The following CHSY3 variants were observed in gnomAD, a reference collection of about 807,000 sequenced individuals.
CHSY3 encodes the protein N-acetylgalactosaminyl-proteoglycan 3-beta-glucuronosyltransferase 3.
A neutral mutation model predicts 67.2 loss-of-function variants in CHSY3; 35 were observed. That is an observed-to-expected ratio of 0.52 (90% CI 0.40 to 0.69). The LOEUF (loss-of-function observed/expected upper bound fraction) is 0.69, where lower values mean the gene tolerates loss of function less well. Among genes scored for constraint, CHSY3 ranks in the 30% least tolerant of loss-of-function variants. CHSY3 has a pLI of 0.00. For synonymous variants in CHSY3, 474 were observed against 434.7 expected (o/e 1.09, Z -1.12); for missense variants, 1,069 against 1,138.5 (o/e 0.94, Z 0.88).
At chr5:130,144,409 T>C (rs1769009809) in intron 2 of CHSY3, among the ~76,000 whole-genome samples, 1 of 151,994 alleles carries the variant, frequency 6.6e-6, no homozygotes, top group Non-Finnish European at 1.5e-5. Context: ...TTATTTACAA[T>C]AGCTGCATAA....
chr5:130,000,130 A>G (rs1258037714), intron 2 of CHSY3, among the ~76,000 whole-genome samples: 1 of 152,226 alleles, frequency 6.6e-6, no homozygotes, highest in African/African-American at 2.4e-5. Flanking sequence ...ATGAATAGAC[A>G]GTTTTCAAAG....
At chr5:130,087,963 A>C (rs889291175) in intron 2 of CHSY3, among the ~76,000 whole-genome samples, 1 of 152,154 alleles carries the variant, frequency 6.6e-6, no homozygotes, top group Non-Finnish European at 1.5e-5. Flanking sequence ...CCTGACTTCA[A>C]ACTATACTAC....
At chr5:130,000,034 A>G (rs980233160) in intron 2 of CHSY3, among the ~76,000 whole-genome samples, 4 of 152,230 alleles carry the variant, frequency 2.6e-5, no homozygotes, top group African/African-American at 9.6e-5. Flanking sequence ...ATTTCAGCAT[A>G]TCTCAGAAAC....
intron 2 of CHSY3, among the ~76,000 whole-genome samples, chr5:130,004,929 C>G (rs1361495322): frequency 3.3e-5 from 5 of 151,950 alleles, no homozygotes; most frequent in Admixed American, 3.3e-4. Context: ...ATCATTATAT[C>G]AAATAAAGTG....
At chr5:129,950,124 C>T (rs530295811) in intron 2 of CHSY3, among the ~76,000 whole-genome samples, 59 of 148,238 alleles carry the variant, frequency 4.0e-4, no homozygotes, top group Non-Finnish European at 7.4e-4. Flanking sequence ...GCTGAGATTG[C>T]GCCACTGCAC....
At chr5:129,956,043 A>G (rs754713803) in intron 2 of CHSY3, among the ~76,000 whole-genome samples, 1 of 152,166 alleles carries the variant, frequency 6.6e-6, no homozygotes, top group Non-Finnish European at 1.5e-5. Context: ...CTTTGGGTAT[A>G]TGATCAGTAA....
At chr5:130,146,022 A>C (rs909961481) in intron 2 of CHSY3, among the ~76,000 whole-genome samples, 5 of 152,216 alleles carry the variant, frequency 3.3e-5, no homozygotes, top group South Asian at 2.1e-4. Flanking sequence ...TAGTATGTCT[A>C]TTATGGATAA....
intron 1 of CHSY3, chr5:129,905,914 T>C: frequency 1.7e-6 from 1 of 595,608 alleles, no homozygotes; most frequent in South Asian, 3.2e-5. Context: ...AGTCTTTACC[T>C]CGTCGGAGAG....
intron 2 of CHSY3, among the ~76,000 whole-genome samples, chr5:129,922,456 T>C (rs551007984): frequency 6.6e-6 from 1 of 152,362 alleles, no homozygotes; most frequent in East Asian, 1.9e-4. Context: ...CCACCAAAAG[T>C]GTACAAGGGT....
intron 2 of CHSY3, among the ~76,000 whole-genome samples, chr5:129,975,696 T>G (rs992118193): frequency 1.3e-5 from 2 of 152,150 alleles, no homozygotes; most frequent in African/African-American, 4.8e-5. Flanking sequence ...TTCAGGATAG[T>G]CAAGAACCAA....
At chr5:129,986,662 A>G (rs561767846) in intron 2 of CHSY3, among the ~76,000 whole-genome samples, 2 of 152,194 alleles carry the variant, frequency 1.3e-5, no homozygotes, top group South Asian at 4.2e-4. Flanking sequence ...TTATTTATTG[A>G]GACAGGGTCA....
intron 2 of CHSY3, among the ~76,000 whole-genome samples, chr5:130,163,550 A>AG (rs1769626448): frequency 6.6e-6 from 1 of 152,034 alleles, no homozygotes; most frequent in Non-Finnish European, 1.5e-5. Flanking sequence ...TTATTCTCTG[A>AG]GGAAAAAAAA....
At chr5:129,955,130 G>A (rs1285079437) in intron 2 of CHSY3, among the ~76,000 whole-genome samples, 2 of 152,146 alleles carry the variant, frequency 1.3e-5, no homozygotes, top group African/African-American at 4.8e-5. Flanking sequence ...GCCTCCCAAA[G>A]TGTTGGGATT....
chr5:130,016,539 G>A (rs1764225194), intron 2 of CHSY3, among the ~76,000 whole-genome samples: 1 of 152,072 alleles, frequency 6.6e-6, no homozygotes, highest in East Asian at 1.9e-4. Flanking sequence ...AGCCTCCCAA[G>A]TAGCTGAGAT....
At chr5:130,103,299 G>C (rs185972771) in intron 2 of CHSY3, among the ~76,000 whole-genome samples, 2 of 151,918 alleles carry the variant, frequency 1.3e-5, no homozygotes, top group Admixed American at 1.3e-4. Flanking sequence ...AGAAGTAAAG[G>C]GATCTGTGGA....
chr5:130,011,669 T>C (rs1367537932), intron 2 of CHSY3, among the ~76,000 whole-genome samples: 18 of 152,250 alleles, frequency 1.2e-4, no homozygotes, highest in South Asian at 2.1e-4. Context: ...AATAGGAAGA[T>C]AGGAAATCAA....
chr5:129,983,276 C>G (rs1415321699), intron 2 of CHSY3, among the ~76,000 whole-genome samples: 1 of 152,002 alleles, frequency 6.6e-6, no homozygotes, highest in Non-Finnish European at 1.5e-5. Context: ...TTGTTCAGGT[C>G]TCTTTTAGTG....
At chr5:130,063,134 G>T (rs999244674) in intron 2 of CHSY3, among the ~76,000 whole-genome samples, 2 of 151,960 alleles carry the variant, frequency 1.3e-5, no homozygotes, top group South Asian at 2.1e-4. Context: ...TAAAACTGAA[G>T]ATAAACTTTA....
chr5:130,185,213 A>G lies in CHSY3; in HGVS notation c.2071A>G (p.Met691Val). 6.8e-6 allele frequency: 11 copies of G among 1,609,172 alleles called. No individual in the cohort carries two copies. The highest frequency in any genetic ancestry group is 1.1e-5 in the South Asian group (1 of 91,000). The change falls in exon 3 of 3, where the codon ATG becomes GTG. Residue 691 changes from methionine to valine, a missense_variant. Coordinates refer to ENST00000305031, the MANE Select transcript of CHSY3 (RefSeq NM_175856.5). Reference protein sequence around the residue: ...YPKAEMTLIPMKGEFSRGLGL... With the variant: ...YPKAEMTLIPVKGEFSRGLGL... ...CAAAGCAGAAATGACCCTGATCCCA[A>G]TGAAGGGAGAGTTTTCCAGAGGTCT...
Sources: gnomAD v4.1 joint callset for allele counts (sites outside exome capture counted in the v4.1 genomes callset) on GRCh38, gnomAD v4.1.1 for gene constraint, MANE v1.5 for transcripts, NCBI Gene and HGNC (gene_info 2026-07-23, HGNC 2026-07-21) for gene names.